The following IRAK3 variants were observed in gnomAD, a reference collection of about 807,000 sequenced individuals.
IRAK3 encodes interleukin 1 receptor associated kinase 3, also known as interleukin-1 receptor-associated kinase 3.
A neutral mutation model predicts 56.6 loss-of-function variants in IRAK3; 57 were observed. That is an observed-to-expected ratio of 1.01 (90% CI 0.81 to 1.26). IRAK3 has a LOEUF of 1.26. Among genes scored for constraint, IRAK3 ranks in the 50% most tolerant of loss-of-function variants. The probability of loss-of-function intolerance (pLI) is 0.00; values close to 1 mark genes in which losing one functional copy is unlikely to be tolerated. For missense variants in IRAK3, 703 were observed against 719.0 expected (o/e 0.98, Z 0.25); for synonymous variants, 258 against 255.7 (o/e 1.01, Z -0.09).
chr12:66,229,925 C>T (rs1474064264), intron 8 of IRAK3, among the ~76,000 whole-genome samples: 1 of 152,168 alleles, frequency 6.6e-6, no homozygotes, highest in Non-Finnish European at 1.5e-5. Context: ...AAGCCCCAAG[C>T]AGCAATAGAT....
intron 1 of IRAK3, chr12:66,197,133 A>G: frequency 7.8e-7 from 1 of 1,282,958 alleles, no homozygotes; most frequent in Non-Finnish European, 9.8e-7. Context: ...GGCTTATGTG[A>G]CTCCAATACG....
Position 66,253,004 on chromosome 12 carries a change from C to G in IRAK3, c.*4833C>G, listed in dbSNP as rs2053115637. On this transcript the variant is annotated 3_prime_UTR_variant, in exon 12 of 12. Transcript: ENST00000261233. ...TGCCTGTTAAATTATATTTCTTCTT[C>G]CACAAAACTGCAGGTTCCCTGAGGG... 1 of 152,130 alleles carries G rather than the reference C, an allele frequency of 6.6e-6. No individual in the cohort carries two copies. The highest frequency in any genetic ancestry group is 1.9e-4 in the East Asian group (1 of 5,192). 9.4% of individuals were successfully genotyped at this position (152,130 alleles called of 1,614,324 possible). A position where few individuals can be genotyped will look rare whatever the true frequency, so the allele number is the denominator to read the frequency against.
intron 8 of IRAK3, among the ~76,000 whole-genome samples, chr12:66,243,573 C>T (rs76111926): frequency 0.018 from 2,656 of 151,704 alleles, 83 homozygotes; most frequent in African/African-American, 0.059. Context: ...GAATTGATTA[C>T]TAATCTTCCT....
rs568160958 is a variant in IRAK3 at position 66,247,870 on chromosome 12, G to C, written c.1490G>C (p.Arg497Thr). The change falls in exon 12 of 12, where the codon AGG becomes ACG. Residue 497 changes from arginine (R) to threonine (T), a missense_variant. By Grantham distance (71) the Arg-to-Thr change is moderately conservative. Coordinates refer to ENST00000261233, the MANE Select transcript of IRAK3 (RefSeq NM_007199.3). ...NNLLPSDEGL[R>T]IDRMTQKTPF... ...TTACTACCTTCTGATGAAGGCCTGA[G>C]GATAGACAGAATGACTCAGAAAACT... The C allele has an allele frequency of 6.2e-7, 1 of 1,614,202 alleles. No individual in the cohort carries two copies. The highest frequency in any genetic ancestry group is 1.1e-5 in the South Asian group (1 of 91,090).
chr12:66,209,033 A>C (rs180800153), intron 2 of IRAK3, among the ~76,000 whole-genome samples: 5 of 150,516 alleles, frequency 3.3e-5, no homozygotes, highest in African/African-American at 9.8e-5. Flanking sequence ...AGATCATGCC[A>C]CTGTACTACA....
intron 11 of IRAK3, among the ~76,000 whole-genome samples, chr12:66,245,722 G>C (rs184921664): frequency 6.6e-6 from 1 of 151,620 alleles, no homozygotes; most frequent in East Asian, 1.9e-4. Context: ...TAATAGAGGC[G>C]GGGTTTCACA....
chr12:66,197,525 A>G, intron 1 of IRAK3: 2 of 985,226 alleles, frequency 2.0e-6, no homozygotes, highest in Non-Finnish European at 2.4e-6. Context: ...CATTAGAGAA[A>G]AGCTATTAAG....
In IRAK3 at chr12:66,217,345, G is replaced by A. The variant is rs1020158935; in HGVS notation, c.653+110G>A. On this transcript the variant is annotated intron_variant, in intron 6 of 11. Coordinates refer to ENST00000261233, the MANE Select transcript of IRAK3 (RefSeq NM_007199.3). ...GCGTGACATGTAATAAATTTGGGTT[G>A]GATGTTAGAACTTCGAATAAATTTT... The A allele has an allele frequency of 4.8e-6, 4 of 833,756 alleles. No individual in the cohort carries two copies. The African/African-American group carries it at 6.7e-5, about 14-fold the overall frequency. The allele number at this position is 833,756 out of a possible 1,614,324, so 51.6% of individuals were successfully genotyped here.
At chr12:66,245,310 G>GA in intron 11 of IRAK3, 48 bp downstream of exon 11, 1 of 1,579,664 alleles carries the variant, frequency 6.3e-7, no homozygotes, top group Non-Finnish European at 8.7e-7. Context: ...CAGAACCATG[G>GA]AAAATCTAAA....
intron 1 of IRAK3, among the ~76,000 whole-genome samples, chr12:66,193,168 C>T (rs4762087): frequency 0.25 from 38,441 of 151,594 alleles, 5,138 homozygotes; most frequent in Middle Eastern, 0.38. Context: ...CCACCATGCC[C>T]GGCTTAATTT....
intron 8 of IRAK3, among the ~76,000 whole-genome samples, chr12:66,236,656 G>A (rs577037521): frequency 2.5e-4 from 38 of 151,906 alleles, no homozygotes; most frequent in Non-Finnish European, 5.0e-4. Context: ...AAAAGTTTTC[G>A]CACTTGCACA....
chr12:66,189,346 T>G lies in IRAK3; in HGVS notation c.47T>G (p.Leu16Arg). ...GARGALSAHT[L>R]LFDLPPALLG... ...CGCGGCGCGCTGTCGGCGCACACGC[T>G]GCTGTTCGACCTGCCGCCCGCGCTG... Residue 16 changes from leucine (L) to arginine (R), a missense_variant, in exon 1 of 12, where the codon CTG (leucine) becomes CGG (arginine). Physicochemically the swap from Leu to Arg is moderately radical, Grantham distance 102. Transcript: ENST00000261233. 6.5e-7 allele frequency: 1 copy of G among 1,532,332 alleles called. No homozygotes were observed. Among genetic ancestry groups the G allele is most frequent in the South Asian group, 1.2e-5 (1 of 83,982 alleles). 94.9% of individuals were successfully genotyped at this position (1,532,332 alleles called of 1,614,324 possible).
At chr12:66,205,171 T>C (rs760626955) in intron 2 of IRAK3, among the ~76,000 whole-genome samples, 1 of 152,236 alleles carries the variant, frequency 6.6e-6, no homozygotes, top group African/African-American at 2.4e-5. Context: ...GTATGTTTTA[T>C]ACTTCAGTGT....
chr12:66,248,420 A>G lies in IRAK3; in HGVS notation c.*249A>G, dbSNP rs914821195. On this transcript the variant is annotated 3_prime_UTR_variant, in exon 12 of 12. Coordinates refer to ENST00000261233, the MANE Select transcript of IRAK3 (RefSeq NM_007199.3). The stretch of plus-strand genomic sequence containing the variant: ...ATCCACGCTCAATTAGAGCCATTCA[A>G]AATTCCTTAAGATCATGGGTTCTGA... 4 of 386,246 alleles carry G rather than the reference A, an allele frequency of 1.0e-5. No individual in the cohort carries two copies. The highest frequency in any genetic ancestry group is 3.9e-5 in the Admixed American group (1 of 25,672). 23.9% of individuals were successfully genotyped at this position (386,246 alleles called of 1,614,324 possible).
At chr12:66,238,543 C>T (rs2052931868) in intron 8 of IRAK3, among the ~76,000 whole-genome samples, 1 of 152,032 alleles carries the variant, frequency 6.6e-6, no homozygotes, top group Admixed American at 6.5e-5. Flanking sequence ...AGCATGTTGG[C>T]GTCATCAGCA....
intron 6 of IRAK3, among the ~76,000 whole-genome samples, chr12:66,224,418 T>C (rs1434289796): frequency 6.6e-6 from 1 of 152,090 alleles, no homozygotes; most frequent in Non-Finnish European, 1.5e-5. Flanking sequence ...GATGAGGAAA[T>C]ACAGAGCACA....
intron 2 of IRAK3, among the ~76,000 whole-genome samples, chr12:66,208,324 TACACACAC>T (rs57185737): frequency 2.7e-5 from 4 of 149,904 alleles, no homozygotes; most frequent in African/African-American, 9.8e-5. Context: ...TTGTCATTGA[TACACACAC>T]ACACACACAC....
chr12:66,210,168 G>A lies in IRAK3; in HGVS notation c.403G>A (p.Asp135Asn), dbSNP rs780809810. 1 of 1,602,224 alleles carries A rather than the reference G, an allele frequency of 6.2e-7. No individual in the cohort carries two copies. The highest frequency in any genetic ancestry group is 2.2e-5 in the East Asian group (1 of 44,746). ...TTAGGAAACAGCCAATGTCACCGTG[G>A]ATAATGTTCTTATTCCTGAACATAA... ...LFKETANVTV[D>N]NVLIPEHNEK... Residue 135 changes from aspartate to asparagine, a missense_variant, in exon 4 of 12, where the codon GAT (aspartate) becomes AAT (asparagine). Transcript: ENST00000261233.
chr12:66,246,826 A>T (rs2053037849), intron 11 of IRAK3, among the ~76,000 whole-genome samples: 1 of 152,196 alleles, frequency 6.6e-6, no homozygotes, highest in Non-Finnish European at 1.5e-5. Flanking sequence ...TGGTGTATTA[A>T]TTACATCAAG....
Sources: allele counts gnomAD v4.1 joint callset (sites outside exome capture counted in the v4.1 genomes callset), GRCh38; gene constraint gnomAD v4.1.1; transcripts MANE v1.5; gene names NCBI Gene and HGNC (gene_info 2026-07-23, HGNC 2026-07-21).